Variants in TNRC18 observed in about 807,000 individuals in gnomAD.
TNRC18 encodes trinucleotide repeat-containing gene 18 protein.
Under a neutral mutation model 226.7 loss-of-function variants are expected in TNRC18, and 69 were observed. The ratio of observed to expected loss-of-function variants is 0.30; its 90% confidence interval spans 0.25 to 0.37. The LOEUF (loss-of-function observed/expected upper bound fraction) is 0.37. Among genes scored for constraint, TNRC18 ranks in the 10% least tolerant of loss-of-function variants. The probability of loss-of-function intolerance (pLI) is 1.00; values close to 1 mark genes in which losing one functional copy is unlikely to be tolerated. For missense variants in TNRC18, 4,754 were observed against 4,256.6 expected (o/e 1.12, Z -3.25); for synonymous variants, 2,449 against 1,927.6 (o/e 1.27, Z -7.09).
At chr7:5,345,517 G>GGGCCCCCCCC in intron 18 of TNRC18, 45 bp downstream of exon 18, 1 of 377,744 alleles carries the variant, frequency 2.6e-6, no homozygotes, top group Non-Finnish European at 4.8e-6. Flanking sequence ...AATGGCGTCC[G>GGGCCCCCCCC]CCCCTCCCAC....
chr7:5,400,197 T>G (rs1004221689), intron 2 of TNRC18, among the ~76,000 whole-genome samples: 5 of 152,118 alleles, frequency 3.3e-5, no homozygotes, highest in African/African-American at 7.2e-5. Flanking sequence ...GAGCCTGGTC[T>G]ATGATTATTG....
intron 19 of TNRC18, among the ~76,000 whole-genome samples, chr7:5,330,519 G>T (rs549713197): frequency 6.6e-6 from 1 of 151,738 alleles, no homozygotes; most frequent in East Asian, 1.9e-4. Context: ...GATTGCAGGC[G>T]TGAGCCACCG....
In TNRC18 at chr7:5,332,943, G is replaced by C; in HGVS notation, c.5826C>G (p.Ser1942=). 1 of 1,551,000 alleles carries C rather than the reference G, an allele frequency of 6.4e-7. No individual in the cohort carries two copies. Among genetic ancestry groups the C allele is most frequent in the Non-Finnish European group, 8.7e-7 (1 of 1,155,672 alleles). The part of the protein sequence containing the change: ...PKKGLGEPGP[S]LAAPTPGARG... ...GGGCGCCAGGCGTGGGTGCGGCCAG[G>C]GAGGGTCCCGGCTCCCCCAGCCCCT... The change falls in exon 19 of 30, where the codon TCC becomes TCG. Residue 1942 remains serine, a synonymous_variant. Transcript: ENST00000430969.
chr7:5,384,781 T>C (rs1584008183), intron 5 of TNRC18, among the ~76,000 whole-genome samples: 1 of 152,254 alleles, frequency 6.6e-6, no homozygotes, highest in African/African-American at 2.4e-5. Flanking sequence ...TCCCTCCTTC[T>C]GTCCCAGAAT....
chr7:5,380,911 C>A (rs776468374), intron 5 of TNRC18, among the ~76,000 whole-genome samples: 7 of 152,210 alleles, frequency 4.6e-5, no homozygotes, highest in Non-Finnish European at 8.8e-5. Context: ...GCCACCCTCA[C>A]GCCCCCTGGG....
chr7:5,381,768 C>A (rs934396396), intron 5 of TNRC18, among the ~76,000 whole-genome samples: 2 of 152,112 alleles, frequency 1.3e-5, no homozygotes, highest in Admixed American at 6.6e-5. Context: ...GAGTTCAAGA[C>A]CAGCCTGGCT....
intron 16 of TNRC18, among the ~76,000 whole-genome samples, chr7:5,356,428 T>G (rs994575165): frequency 6.6e-6 from 1 of 151,942 alleles, no homozygotes; most frequent in Non-Finnish European, 1.5e-5. Flanking sequence ...CCATAAACAC[T>G]GCTTCCGCCA....
rs1360139241 is a variant in TNRC18, at chr7:5,308,205, C to T, written c.8808G>A (p.Lys2936=). 1.7e-5 allele frequency: 27 copies of T among 1,610,332 alleles called. No individual in the cohort carries two copies. Among genetic ancestry groups the T allele is most frequent in the Non-Finnish European group, 2.3e-5 (27 of 1,178,854 alleles). ...ACAGGCCCTCGCTGTCCTGGTACTT[C>T]TTGGTCTTCAGCATCTGCTCATACT... ...LEQYEQMLKT[K]KYQDSEGLYY... The change falls in exon 30 of 30, where the codon AAG becomes AAA. Residue 2936 remains lysine (K), a synonymous_variant. Coordinates refer to ENST00000430969, the MANE Select transcript of TNRC18 (RefSeq NM_001080495.3).
chr7:5,421,203 G>A lies in TNRC18; in HGVS notation c.44C>T (p.Pro15Leu), dbSNP rs1191362007. Residue 15 changes from proline to leucine, a missense_variant, in exon 2 of 30, where the codon CCC becomes CTC. By Grantham distance (98) the Pro-to-Leu change is moderately conservative (BLOSUM62 -3). Coordinates refer to ENST00000430969, the MANE Select transcript of TNRC18 (RefSeq NM_001080495.3). ...CAGGCCGGACAGCAGCGGCGGCGGG[G>A]GACCGTGCACGGACCGCTGGGGCCC... ...DFGPQRSVHG[P>L]PPPLLSGLAM... is the part of the protein sequence containing the mutation. 3 of 1,378,228 alleles carry A rather than the reference G, an allele frequency of 2.2e-6. No homozygotes were observed. The highest frequency in any genetic ancestry group is 1.9e-6 in the Non-Finnish European group (2 of 1,063,548). 85.4% of individuals were successfully genotyped at this position (1,378,228 alleles called of 1,614,324 possible). A position where few individuals can be genotyped will look rare whatever the true frequency, so the allele number is the denominator to read the frequency against.
Position 5,362,801 on chromosome 7 carries a change from C to G in TNRC18, c.4244G>C (p.Arg1415Pro), listed in dbSNP as rs202192065. The G allele has an allele frequency of 1.9e-6, 3 of 1,565,198 alleles. No individual in the cohort carries two copies. Among genetic ancestry groups the G allele is most frequent in the Non-Finnish European group, 1.7e-6 (2 of 1,155,902 alleles). ...TGCCAGCAGACTCTCCAGGGAGGGC[C>G]GCGCCACCAGGGCCCGCTCCGCACC... The part of the protein sequence containing the change: ...MGGAERALVA[R>P]PSLESLLAAG... The change falls in exon 12 of 30, where the codon CGG (arginine) becomes CCG (proline). Residue 1415 changes from arginine (R) to proline (P), a missense_variant. Transcript: ENST00000430969.
intron 9 of TNRC18, among the ~76,000 whole-genome samples, chr7:5,375,607 T>C (rs1403396035): frequency 1.3e-5 from 2 of 152,120 alleles, no homozygotes; most frequent in Non-Finnish European, 2.9e-5. Context: ...CCCTATCTTA[T>C]GGGACCATGC....
rs1780029984 is a variant in TNRC18 at position 5,388,790 on chromosome 7, G to A, written c.1034C>T (p.Pro345Leu). 3 of 1,207,054 alleles carry A rather than the reference G, an allele frequency of 2.5e-6. No homozygotes were observed. Among genetic ancestry groups the A allele is most frequent in the Admixed American group, 4.7e-5 (1 of 21,410 alleles). 74.8% of individuals were successfully genotyped at this position (1,207,054 alleles called of 1,614,324 possible). The change falls in exon 5 of 30, where the codon CCT becomes CTT. Residue 345 changes from proline to leucine, a missense_variant. Transcript: ENST00000430969. ...GGGGGTGGCCGCGGGGGGTGCAGGA[G>A]GCCCCTTGGGGGGCGCGGGCGGCGG... Reference protein sequence around the residue: ...LPPPPAPPKGPPAPPAATPAG... With the variant: ...LPPPPAPPKGLPAPPAATPAG...
intron 2 of TNRC18, among the ~76,000 whole-genome samples, chr7:5,408,960 G>A (rs1036987624): frequency 1.2e-4 from 19 of 152,182 alleles, no homozygotes; most frequent in Admixed American, 3.9e-4. Context: ...ATCAGAGTGC[G>A]AATCATCAAC....
rs765591357 is a variant in TNRC18, at chr7:5,324,225, G to A, written c.6431C>T (p.Pro2144Leu). Residue 2144 changes from proline to leucine, a missense_variant, in exon 21 of 30, where the codon CCG becomes CTG. Transcript: ENST00000430969. The surrounding 1 kb of genome is among the most constrained non-coding windows in gnomAD (Gnocchi z 4.8). ...TCACGGCCACTCACCCGGGGTCAGCGGCCGCTCCACAGCCCCGCCACGCGG... is the reference window on the plus strand; with the variant it reads ...TCACGGCCACTCACCCGGGGTCAGCAGCCGCTCCACAGCCCCGCCACGCGG... Reference protein sequence around the residue: ...HLPRGGAVERPLTPAPRSCII... With the variant: ...HLPRGGAVERLLTPAPRSCII... 6.2e-6 allele frequency: 10 copies of A among 1,606,166 alleles called. No homozygotes were observed. Among genetic ancestry groups the A allele is most frequent in the Non-Finnish European group, 8.5e-6 (10 of 1,177,710 alleles).
At chr7:5,407,820 C>T (rs1228609382) in intron 2 of TNRC18, among the ~76,000 whole-genome samples, 3 of 152,088 alleles carry the variant, frequency 2.0e-5, no homozygotes, top group African/African-American at 7.2e-5. Context: ...TACCGAGACT[C>T]CACCTCCCAG....
intron 21 of TNRC18, among the ~76,000 whole-genome samples, chr7:5,322,480 G>A (rs1443979657): frequency 6.6e-6 from 1 of 152,118 alleles, no homozygotes; most frequent in Middle Eastern, 3.2e-3. Flanking sequence ...TTTTTGTAGA[G>A]ACAGGGTCCA....
Position 5,374,103 on chromosome 7 carries a change from A to T in TNRC18, c.3181T>A (p.Leu1061Met), listed in dbSNP as rs1717759428. The T allele has an allele frequency of 6.4e-7, 1 of 1,574,352 alleles. No homozygotes were observed. The highest frequency in any genetic ancestry group is 8.6e-7 in the Non-Finnish European group (1 of 1,162,910). Reference protein sequence around the residue: ...APENVVEKKDLELEKEAPSPF... With the variant: ...APENVVEKKDMELEKEAPSPF... ...CTGGGGGCTTCCTTCTCCAACTCCA[A>T]GTCTTTCTTCTCGACCACATTCTCG... The change falls in exon 10 of 30, where the codon TTG (leucine) becomes ATG (methionine). Residue 1061 changes from leucine to methionine, a missense_variant. Coordinates refer to ENST00000430969, the MANE Select transcript of TNRC18 (RefSeq NM_001080495.3).
At chr7:5,348,252 A>G (rs968356744) in intron 17 of TNRC18, among the ~76,000 whole-genome samples, 1 of 152,230 alleles carries the variant, frequency 6.6e-6, no homozygotes, top group Non-Finnish European at 1.5e-5. Flanking sequence ...TGCAACATCC[A>G]AAGTGCCACC....
At chr7:5,368,437 T>C (rs542259685) in intron 11 of TNRC18, among the ~76,000 whole-genome samples, 1,884 of 148,372 alleles carry the variant, frequency 0.013, 43 homozygotes, top group African/African-American at 0.045. Context: ...CCAAGGCGGG[T>C]GGATCACTTG....
Sources: allele counts gnomAD v4.1 joint callset (sites outside exome capture counted in the v4.1 genomes callset), GRCh38; gene constraint gnomAD v4.1.1; non-coding constraint Gnocchi (gnomAD v3.1); transcripts MANE v1.5; gene names NCBI Gene and HGNC (gene_info 2026-07-23, HGNC 2026-07-21).